The following DOK6 variants were observed in gnomAD, a reference collection of about 807,000 sequenced individuals.
DOK6 encodes downstream of tyrosine kinase 6.
DOK6 carries 22 observed loss-of-function variants against 44.0 expected under a neutral mutation model. The ratio of observed to expected loss-of-function variants is 0.50; its 90% CI spans 0.36 to 0.71. The LOEUF (loss-of-function observed/expected upper bound fraction) is 0.71. Among genes scored for constraint, DOK6 ranks in the 30% least tolerant of loss-of-function variants. The pLI is 0.00. For synonymous variants in DOK6, 166 were observed against 145.5 expected (o/e 1.14, Z -1.01); for missense variants, 340 against 416.4 (o/e 0.82, Z 1.60).
chr18:69,491,112 T>G (rs1317668081), intron 1 of DOK6, among the ~76,000 whole-genome samples: 1 of 152,228 alleles, frequency 6.6e-6, no homozygotes, highest in Non-Finnish European at 1.5e-5. Flanking sequence ...ATTCAGTAAG[T>G]GTTATCTACA....
chr18:69,414,021 A>T (rs1568249648), intron 1 of DOK6, among the ~76,000 whole-genome samples: 1 of 152,038 alleles, frequency 6.6e-6, no homozygotes, highest in Non-Finnish European at 1.5e-5. Context: ...AGGAAGATGC[A>T]AATTAAAACT....
chr18:69,743,132 TAA>T (rs535118782), intron 6 of DOK6, among the ~76,000 whole-genome samples: 22 of 152,348 alleles, frequency 1.4e-4, no homozygotes, highest in Non-Finnish European at 3.1e-4. Flanking sequence ...AGTCTAATTT[TAA>T]AAGAGTTTGA....
At chr18:69,556,579 A>G (rs1982692790) in intron 1 of DOK6, among the ~76,000 whole-genome samples, 1 of 152,222 alleles carries the variant, frequency 6.6e-6, no homozygotes, top group Non-Finnish European at 1.5e-5. Context: ...CTTTGTTTCC[A>G]TAAGGGCAGA....
At chr18:69,618,805 G>A (rs1984372092) in intron 3 of DOK6, 1 of 152,124 alleles carries the variant, frequency 6.6e-6, no homozygotes, top group Non-Finnish European at 1.5e-5. Flanking sequence ...AGATGTGGGT[G>A]GGGACACAGC....
intron 2 of DOK6, among the ~76,000 whole-genome samples, chr18:69,581,806 A>C (rs1201933869): frequency 6.6e-6 from 1 of 152,236 alleles, no homozygotes; most frequent in African/African-American, 2.4e-5. Flanking sequence ...AGCTATCAAT[A>C]GGGCTTTATG....
In DOK6 at chr18:69,400,898, G is replaced by C. The variant is rs1467378608; in HGVS notation, c.-347G>C. On this transcript the variant is annotated 5_prime_UTR_variant, in exon 1 of 8. Coordinates refer to ENST00000382713, the MANE Select transcript of DOK6 (RefSeq NM_152721.6). ...GCGCTCCGGCCAGCTGTGCGCCGCC[G>C]AGCGAGGCGCCAGCCCGTGGGTGCT... Among the ~76,000 whole-genome samples, 1 of 147,704 alleles carries C rather than the reference G, an allele frequency of 6.8e-6. No homozygotes were observed. The highest frequency in any genetic ancestry group is 1.5e-5 in the Non-Finnish European group (1 of 66,300).
chr18:69,454,994 G>T (rs1367846840), intron 1 of DOK6, among the ~76,000 whole-genome samples: 1 of 146,956 alleles, frequency 6.8e-6, no homozygotes, highest in Non-Finnish European at 1.5e-5. Flanking sequence ...CACCAGCATG[G>T]CACATGTATA....
At chr18:69,645,415 A>C (rs1215281130) in intron 3 of DOK6, among the ~76,000 whole-genome samples, 2 of 152,210 alleles carry the variant, frequency 1.3e-5, no homozygotes, top group Non-Finnish European at 2.9e-5. Flanking sequence ...ATATTCATCT[A>C]TGTTCAATAT....
chr18:69,779,089 G>C (rs1980171999), intron 7 of DOK6, among the ~76,000 whole-genome samples: 1 of 152,084 alleles, frequency 6.6e-6, no homozygotes. Context: ...ATAATTTCTA[G>C]ATTTTTCTTG....
At chr18:69,642,167 A>T (rs1426332192) in intron 3 of DOK6, among the ~76,000 whole-genome samples, 4 of 152,198 alleles carry the variant, frequency 2.6e-5, no homozygotes, top group Non-Finnish European at 5.9e-5. Context: ...AGTCGCAGAC[A>T]TGATGATACC....
chr18:69,496,031 C>T (rs1295145920), intron 1 of DOK6, among the ~76,000 whole-genome samples: 1 of 152,186 alleles, frequency 6.6e-6, no homozygotes, highest in Non-Finnish European at 1.5e-5. Context: ...CTCTGCAGGG[C>T]ATTGTGGCTT....
chr18:69,535,328 G>T (rs1042903883), intron 1 of DOK6, among the ~76,000 whole-genome samples: 1 of 151,422 alleles, frequency 6.6e-6, no homozygotes, highest in Non-Finnish European at 1.5e-5. Flanking sequence ...TACATTTTCT[G>T]TATCTTTGTT....
At chr18:69,430,959 C>T (rs571547004) in intron 1 of DOK6, among the ~76,000 whole-genome samples, 5 of 152,172 alleles carry the variant, frequency 3.3e-5, no homozygotes, top group South Asian at 4.1e-4. Flanking sequence ...AGCGAGTCTC[C>T]GTCTCAAAAT....
At chr18:69,567,804 G>C (rs28613281) in intron 2 of DOK6, among the ~76,000 whole-genome samples, 2 of 152,204 alleles carry the variant, frequency 1.3e-5, no homozygotes, top group Non-Finnish European at 2.9e-5. Context: ...CTCAAGAAAC[G>C]ACAGGTAGAT....
chr18:69,502,954 T>C (rs1348978636), intron 1 of DOK6, among the ~76,000 whole-genome samples: 1 of 152,064 alleles, frequency 6.6e-6, no homozygotes, highest in Non-Finnish European at 1.5e-5. Flanking sequence ...AATTGCCCTG[T>C]GACTGGCTGT....
chr18:69,696,016 C>T (rs755523967), intron 4 of DOK6, among the ~76,000 whole-genome samples: 1 of 152,118 alleles, frequency 6.6e-6, no homozygotes, highest in Non-Finnish European at 1.5e-5. Flanking sequence ...TCCCTTAGGG[C>T]AAGTTGTCCA....
intron 2 of DOK6, among the ~76,000 whole-genome samples, chr18:69,583,310 T>C (rs1218806735): frequency 1.3e-5 from 2 of 152,216 alleles, no homozygotes; most frequent in Non-Finnish European, 2.9e-5. Context: ...TGAGATATTC[T>C]TCAGGTGCAT....
intron 6 of DOK6, among the ~76,000 whole-genome samples, chr18:69,754,288 A>G (rs946236420): frequency 4.0e-5 from 6 of 150,204 alleles, no homozygotes; most frequent in African/African-American, 1.5e-4. Flanking sequence ...TGGGAGGCGG[A>G]GATTGCAGTG....
chr18:69,648,809 T>C (rs943612236), intron 3 of DOK6, among the ~76,000 whole-genome samples: 9 of 152,198 alleles, frequency 5.9e-5, no homozygotes, highest in African/African-American at 9.6e-5. Context: ...TTCATGCAAC[T>C]GGGAACAGTA....
Sources: gnomAD v4.1 joint callset for allele counts (sites outside exome capture counted in the v4.1 genomes callset) on GRCh38, gnomAD v4.1.1 for gene constraint, MANE v1.5 for transcripts, NCBI Gene and HGNC (gene_info 2026-07-23, HGNC 2026-07-21) for gene names.